The following SMARCAL1 variants were observed in gnomAD, a reference collection of about 807,000 sequenced individuals.
SMARCAL1 encodes ATP-driven annealing helicase.
Under a neutral mutation model 94.5 loss-of-function variants are expected in SMARCAL1, and 58 were observed. That is an observed-to-expected ratio of 0.61 (90% confidence interval 0.50 to 0.76). The LOEUF is 0.76. Ranked by LOEUF, SMARCAL1 falls within the 30% of genes least tolerant of loss-of-function variation. The pLI, the probability that SMARCAL1 is intolerant of heterozygous loss-of-function variation, is 0.00. For synonymous variants in SMARCAL1, 422 were observed against 455.1 expected (o/e 0.93, Z 0.93); for missense variants, 1,051 against 1,177.9 (o/e 0.89, Z 1.58).
Position 216,415,460 on chromosome 2 carries a change from T to G in SMARCAL1, c.756T>G (p.Ile252Met). 1.2e-6 allele frequency: 2 copies of G among 1,613,888 alleles called. No individual in the cohort carries two copies. Among genetic ancestry groups the G allele is most frequent in the Non-Finnish European group, 1.7e-6 (2 of 1,180,020 alleles). ...VRNGDRFQVL[I>M]GYNAELIAVF... Reference sequence around the variant, plus strand: ...ACGGCGATCGTTTCCAGGTGTTGATTGGGTACAATGCGGAACTCATTGCAG... The same window carrying G: ...ACGGCGATCGTTTCCAGGTGTTGATGGGGTACAATGCGGAACTCATTGCAG... The change falls in exon 3 of 18, where the codon ATT (isoleucine) becomes ATG (methionine). Residue 252 changes from isoleucine (I) to methionine (M), a missense_variant. Coordinates refer to ENST00000357276, the MANE Select transcript of SMARCAL1 (RefSeq NM_014140.4).
chr2:216,437,777 AAAAC>A (rs1237016002), intron 9 of SMARCAL1, among the ~76,000 whole-genome samples: 3 of 151,534 alleles, frequency 2.0e-5, no homozygotes, highest in Admixed American at 2.0e-4. Context: ...AGAATAAAGA[AAAAC>A]AAACTATATA....
chr2:216,469,337 A>G (rs1461466782), intron 14 of SMARCAL1, among the ~76,000 whole-genome samples: 2 of 129,050 alleles, frequency 1.5e-5, no homozygotes, highest in African/African-American at 3.0e-5. Flanking sequence ...GCTGGAGTGC[A>G]GTAGCACGAC....
At chr2:216,466,187 A>G (rs284533) in intron 13 of SMARCAL1, among the ~76,000 whole-genome samples, 152,288 of 152,314 alleles carry the variant, frequency 1, 76,131 homozygotes, top group Middle Eastern at 1. Context: ...CTCTTCAGAT[A>G]CTGTGCCCAG....
At chr2:216,481,054 C>T (rs1040829716) in intron 17 of SMARCAL1, among the ~76,000 whole-genome samples, 8 of 152,166 alleles carry the variant, frequency 5.3e-5, no homozygotes, top group Admixed American at 3.9e-4. Context: ...TTGCATAAGC[C>T]GAGGACTCTG....
At chr2:216,470,088 T>C (rs1694927835) in intron 14 of SMARCAL1, among the ~76,000 whole-genome samples, 1 of 152,218 alleles carries the variant, frequency 6.6e-6, no homozygotes, top group Non-Finnish European at 1.5e-5. Flanking sequence ...TTTTTCTTAC[T>C]GATTTAGGAA....
chr2:216,448,332 C>G (rs928471543), intron 11 of SMARCAL1, among the ~76,000 whole-genome samples: 1 of 152,132 alleles, frequency 6.6e-6, no homozygotes, highest in East Asian at 1.9e-4. Flanking sequence ...GCAAACAGTC[C>G]ACTTTCTAAA....
At position 216,475,432 on chromosome 2, in the gene SMARCAL1, A is replaced by G; in HGVS notation, c.2408A>G (p.Glu803Gly). The change falls in exon 15 of 18, where the codon GAG (glutamate) becomes GGG (glycine). Residue 803 changes from glutamate to glycine, a missense_variant. Around this residue, in one of 3 missense-constraint regions of SMARCAL1, gnomAD observed 642 missense variants for 754.7 expected, o/e 0.85. Coordinates refer to ENST00000357276, the MANE Select transcript of SMARCAL1 (RefSeq NM_014140.4). The surrounding 1 kb of genome is among the most constrained non-coding windows in gnomAD (Gnocchi z 4.4). The stretch of plus-strand genomic sequence containing the variant: ...TCGGCTGACCTGGTGGTGTTTGCTG[A>G]GCTGTTTTGGAACCCAGGGGTAAGA... ...FSSADLVVFA[E>G]LFWNPGVLIQ... 1 of 1,614,022 alleles carries G rather than the reference A, an allele frequency of 6.2e-7. No individual in the cohort carries two copies. Among genetic ancestry groups the G allele is most frequent in the Non-Finnish European group, 8.5e-7 (1 of 1,179,992 alleles).
intron 10 of SMARCAL1, among the ~76,000 whole-genome samples, chr2:216,445,237 G>A (rs892479596): frequency 2.0e-5 from 3 of 152,174 alleles, no homozygotes; most frequent in East Asian, 1.9e-4. Context: ...GTGGGTGATC[G>A]TGATGACATA....
chr2:216,448,153 A>T (rs1694359895), intron 11 of SMARCAL1, among the ~76,000 whole-genome samples: 1 of 152,250 alleles, frequency 6.6e-6, no homozygotes. Flanking sequence ...TTAGCTGGTT[A>T]TTGAGGCAGG....
At chr2:216,423,709 A>G (rs762505051) in intron 6 of SMARCAL1, 26 bp downstream of exon 6, 7 of 1,573,462 alleles carry the variant, frequency 4.4e-6, no homozygotes, top group South Asian at 1.1e-5. Flanking sequence ...TACTTGTTTT[A>G]TATCATGCTA....
At chr2:216,476,453 A>T (rs954578072) in intron 15 of SMARCAL1, among the ~76,000 whole-genome samples, 1 of 151,894 alleles carries the variant, frequency 6.6e-6, no homozygotes, top group Non-Finnish European at 1.5e-5. Context: ...GTAGCAGGGG[A>T]CTACAGGTGC....
chr2:216,444,256 T>C (rs1694257940), intron 10 of SMARCAL1, among the ~76,000 whole-genome samples: 1 of 152,202 alleles, frequency 6.6e-6, no homozygotes, highest in African/African-American at 2.4e-5. Flanking sequence ...TTATTTAGAG[T>C]ACCATTAGGA....
At chr2:216,434,340 A>T (rs1021498270) in intron 8 of SMARCAL1, among the ~76,000 whole-genome samples, 1 of 152,170 alleles carries the variant, frequency 6.6e-6, no homozygotes, top group African/African-American at 2.4e-5. Flanking sequence ...CAGAGAGAGA[A>T]GGTAGATTTG....
chr2:216,439,285 A>G (rs941268686), intron 10 of SMARCAL1, among the ~76,000 whole-genome samples: 2 of 151,700 alleles, frequency 1.3e-5, no homozygotes, highest in African/African-American at 2.4e-5. Context: ...TTAGTCCCCC[A>G]TCCCAACAGA....
At chr2:216,443,674 C>G (rs1694247527) in intron 10 of SMARCAL1, among the ~76,000 whole-genome samples, 1 of 152,092 alleles carries the variant, frequency 6.6e-6, no homozygotes, top group Non-Finnish European at 1.5e-5. Flanking sequence ...TAGGCTAGAA[C>G]CTAGAGGGAA....
chr2:216,429,927 C>T (rs1693927449), intron 7 of SMARCAL1, among the ~76,000 whole-genome samples: 1 of 152,192 alleles, frequency 6.6e-6, no homozygotes, highest in Non-Finnish European at 1.5e-5. Context: ...CTTGTTTTAA[C>T]CAGGCTCAGG....
intron 7 of SMARCAL1, among the ~76,000 whole-genome samples, chr2:216,429,174 C>T (rs1468275530): frequency 5.9e-5 from 9 of 152,200 alleles, no homozygotes; most frequent in East Asian, 1.9e-4. Context: ...CAGCTCGGGC[C>T]GCCAGGGGCT....
At chr2:216,421,579 G>A (rs151207582) in intron 5 of SMARCAL1, among the ~76,000 whole-genome samples, 5 of 152,208 alleles carry the variant, frequency 3.3e-5, no homozygotes, top group South Asian at 4.1e-4. Flanking sequence ...ATGAGCCACC[G>A]TGCCTGGCCG....
intron 14 of SMARCAL1, among the ~76,000 whole-genome samples, chr2:216,469,330 G>A (rs1264830808): frequency 4.4e-5 from 6 of 135,828 alleles, no homozygotes; most frequent in Non-Finnish European, 9.1e-5. Flanking sequence ...CCCCCAGGCT[G>A]GAGTGCAGTA....
Sources: gnomAD v4.1 joint callset for allele counts (sites outside exome capture counted in the v4.1 genomes callset) on GRCh38, gnomAD v4.1.1 for gene constraint, gnomAD v4.1.1 regional missense constraint, Gnocchi (gnomAD v3.1) non-coding constraint, MANE v1.5 for transcripts, NCBI Gene and HGNC (gene_info 2026-07-23, HGNC 2026-07-21) for gene names.